MYO18B: variants seen among roughly 807,000 people sequenced by gnomAD.
MYO18B encodes myosin XVIIIB.
In MYO18B, 204 loss-of-function variants were observed where a neutral mutation model predicts 273.0. That is an observed-to-expected ratio of 0.75 (90% CI 0.67 to 0.84). MYO18B has a LOEUF of 0.84. Among genes scored for constraint, MYO18B ranks in the 40% least tolerant of loss-of-function variants. The probability of loss-of-function intolerance (pLI) is 0.00; values close to 1 mark genes in which losing one functional copy is unlikely to be tolerated. For synonymous variants in MYO18B, 1,330 were observed against 1,305.7 expected, an observed-to-expected ratio of 1.02 and a Z score of -0.40; for missense variants, 3,212 against 3,287.6, an observed-to-expected ratio of 0.98 and a Z score of 0.56.
At chr22:26,053,041 T>C in the MYO18B span, among the ~76,000 whole-genome samples, 1 of 152,070 alleles carries the variant, frequency 6.6e-6, no homozygotes, top group African/African-American at 2.4e-5. Flanking sequence ...TCTCCTGACC[T>C]CGTGATCCAC....
Position 25,763,215 on chromosome 22 carries a change from T to C in MYO18B, c.40-16T>C, listed in dbSNP as rs1157334963. ...TGACTCACTGAGCTCTCTCTTTCCT[T>C]GCTTCTGCAAAACAGATTCGGGAAG... On this transcript the variant is annotated splice_polypyrimidine_tract_variant and intron_variant, in intron 2 of 43. Transcript: ENST00000335473. The C allele has an allele frequency of 6.2e-7, 1 of 1,608,288 alleles. No individual in the cohort carries two copies. Among genetic ancestry groups the C allele is most frequent in the Non-Finnish European group, 8.5e-7 (1 of 1,176,022 alleles).
chr22:25,813,292 C>G (rs943651165), intron 12 of MYO18B, among the ~76,000 whole-genome samples: 1 of 151,218 alleles, frequency 6.6e-6, no homozygotes, highest in Admixed American at 6.6e-5. Context: ...TCAAGCGATT[C>G]TCCTGCCTCA....
the MYO18B span, among the ~76,000 whole-genome samples, chr22:26,057,333 CAAT>C: frequency 6.6e-6 from 1 of 152,008 alleles, no homozygotes; most frequent in African/African-American, 2.4e-5. Flanking sequence ...ATCATAATAT[CAAT>C]AATAATATGA....
At chr22:26,019,272 C>T (rs1274100885) in intron 42 of MYO18B, among the ~76,000 whole-genome samples, 2 of 152,126 alleles carry the variant, frequency 1.3e-5, no homozygotes, top group African/African-American at 4.8e-5. Context: ...TAAAATGGGA[C>T]GATAAAGGGC....
chr22:25,881,006 T>G (rs1475475578), intron 25 of MYO18B, among the ~76,000 whole-genome samples: 1 of 152,246 alleles, frequency 6.6e-6, no homozygotes, highest in Non-Finnish European at 1.5e-5. Context: ...GAGCACCTGG[T>G]GTTATTACTT....
intron 40 of MYO18B, among the ~76,000 whole-genome samples, chr22:25,992,949 T>C (rs1055707192): frequency 2.6e-5 from 4 of 152,218 alleles, no homozygotes; most frequent in African/African-American, 9.6e-5. Flanking sequence ...AGTTCACAGA[T>C]GAACATGACA....
intron 35 of MYO18B, among the ~76,000 whole-genome samples, chr22:25,946,553 C>T (rs2092715181): frequency 1.3e-5 from 2 of 152,136 alleles, no homozygotes; most frequent in Admixed American, 1.3e-4. Flanking sequence ...CTGTGTGTTC[C>T]CATCTGCAAC....
intron 42 of MYO18B, among the ~76,000 whole-genome samples, chr22:26,021,905 G>T (rs1190489992): frequency 2.0e-5 from 3 of 152,222 alleles, no homozygotes; most frequent in Non-Finnish European, 2.9e-5. Context: ...AGGGGTAGCT[G>T]TTGTGACCAA....
At chr22:25,954,706 T>TTTTA (rs999507618) in intron 38 of MYO18B, among the ~76,000 whole-genome samples, 11 of 152,180 alleles carry the variant, frequency 7.2e-5, no homozygotes, top group South Asian at 2.1e-4. Flanking sequence ...ATAGCAGTTA[T>TTTTA]TTTATTTATT....
In MYO18B at chr22:25,950,356, T is replaced by TG; in HGVS notation, c.5749-10dup. ...GGTGATATATATACATTTTTTTTTT[T>TG]GTCTCACCAGTCTGCTGCTGACATT... On this transcript the variant is annotated splice_polypyrimidine_tract_variant and intron_variant, in intron 36 of 43. Transcript: ENST00000335473. 6.4e-7 allele frequency: 1 copy of TG among 1,554,890 alleles called. No individual in the cohort carries two copies. The highest frequency in any genetic ancestry group is 8.7e-7 in the Non-Finnish European group (1 of 1,148,584).
At chr22:26,063,011 G>A in the MYO18B span, among the ~76,000 whole-genome samples, 5 of 152,180 alleles carry the variant, frequency 3.3e-5, no homozygotes, top group African/African-American at 7.2e-5. Context: ...GGCCTTCAGG[G>A]AATGGACACC....
chr22:25,795,765 A>G (rs1000260319), intron 11 of MYO18B, among the ~76,000 whole-genome samples: 1 of 152,146 alleles, frequency 6.6e-6, no homozygotes, highest in Non-Finnish European at 1.5e-5. Context: ...TTCCCAAGCA[A>G]ATCTCTTAAT....
Position 25,798,275 on chromosome 22 carries a change from T to G in MYO18B, c.2521+178T>G, listed in dbSNP as rs5761205. Among the ~76,000 whole-genome samples the G allele has an allele frequency of 0.13, 19,727 of 152,090 alleles. 2,697 individuals are homozygous for G. Among genetic ancestry groups the G allele is most frequent in the African/African-American group, 0.33 (13,620 of 41,436 alleles). ...GTCGTGAGGAGGACACAGGGCTGGC[T>G]TTTCAAGCAAACCTTCTAGACCAGC... On this transcript the variant is annotated intron_variant, in intron 12 of 43. Transcript: ENST00000335473.
rs553588512 is a variant in MYO18B at position 25,965,263 on chromosome 22, G to A, written c.6156+9899G>A. ...GGGAAAAGTGTAAAGAATGGGAGGC[G>A]TAGAGCAGATTTGAGGATAGCTTGT... On this transcript the variant is annotated intron_variant, in intron 39 of 43. Transcript: ENST00000335473. 9.8e-5 allele frequency among the ~76,000 whole-genome samples: 15 copies of A among 152,332 alleles called. No individual in the cohort carries two copies. In the South Asian group the frequency reaches 2.1e-3, roughly 21 times the overall value.
Position 25,946,137 on chromosome 22 carries a change from C to T in MYO18B, c.5518C>T (p.Leu1840=), listed in dbSNP as rs755015079. 1.2e-5 allele frequency: 18 copies of T among 1,534,098 alleles called. No homozygotes were observed. The highest frequency in any genetic ancestry group is 3.0e-5 in the African/African-American group (2 of 65,808). Residue 1840 remains leucine (L), a splice_region_variant and synonymous_variant, in exon 35 of 44, where the codon CTG becomes TTG. Coordinates refer to ENST00000335473, the MANE Select transcript of MYO18B (RefSeq NM_032608.7). ...CTTCTCCACCTCTTGCCTGGTCCAG[C>T]TGGAGCAGAGTGAAGCCAAGTGTGA... ...KEELEKVHSQ[L]EQSEAKCEEA...
chr22:25,977,261 A>G (rs1349913102), intron 39 of MYO18B, among the ~76,000 whole-genome samples: 1 of 150,414 alleles, frequency 6.6e-6, no homozygotes, highest in Non-Finnish European at 1.5e-5. Flanking sequence ...GCTTTATTCA[A>G]GGGGTGATCC....
Position 25,814,984 on chromosome 22 carries a change from C to T in MYO18B, c.2522-8521C>T, listed in dbSNP as rs373415330. On this transcript the variant is annotated intron_variant, in intron 12 of 43. Transcript: ENST00000335473. The stretch of plus-strand genomic sequence containing the variant: ...GAGGTTCTGTCTTTAAATCCTACAC[C>T]CTTATTCTTTACATCACTGAATTGC... Among the ~76,000 whole-genome samples, 19 of 152,266 alleles carry T rather than the reference C, an allele frequency of 1.2e-4. No homozygotes were observed. The East Asian group carries it at 1.4e-3, about 11-fold the overall frequency.
At chr22:26,057,376 G>A in the MYO18B span, among the ~76,000 whole-genome samples, 1 of 152,142 alleles carries the variant, frequency 6.6e-6, no homozygotes, top group Non-Finnish European at 1.5e-5. Context: ...AAGCCCAGAT[G>A]AGGGATTTAC....
intron 39 of MYO18B, among the ~76,000 whole-genome samples, chr22:25,970,650 G>A (rs981153779): frequency 6.6e-6 from 1 of 152,316 alleles, no homozygotes; most frequent in African/African-American, 2.4e-5. Context: ...GCAAAAACAA[G>A]CTACATCTGT....
Sources: gnomAD v4.1 joint callset for allele counts (sites outside exome capture counted in the v4.1 genomes callset) on GRCh38, gnomAD v4.1.1 for gene constraint, MANE v1.5 for transcripts, NCBI Gene and HGNC (gene_info 2026-07-23, HGNC 2026-07-21) for gene names.